Variants in APOLD1 observed in about 807,000 individuals in gnomAD.
APOLD1 encodes the protein apolipoprotein L domain containing 1.
A neutral mutation model predicts 15.3 loss-of-function variants in APOLD1; 22 were observed. The observed-to-expected ratio is 1.44, with a 90% confidence interval of 1.03 to 2.05. APOLD1 has a LOEUF of 2.05. Ranked by LOEUF, APOLD1 falls within the 30% of genes most tolerant of loss-of-function variation. The pLI is 0.00. For missense variants in APOLD1, 394 were observed against 353.5 expected (o/e 1.11, Z -0.92); for synonymous variants, 190 against 167.4 (o/e 1.13, Z -1.04).
upstream of APOLD1, among the ~76,000 whole-genome samples, chr12:12,782,946 CTG>C (rs1472369378): frequency 6.6e-6 from 1 of 152,116 alleles, no homozygotes; most frequent in Non-Finnish European, 1.5e-5. Flanking sequence ...TGGCTCATGC[CTG>C]TAATCCCAGC....
At chr12:12,752,495 A>G (rs781184568) in intron 1 of APOLD1, among the ~76,000 whole-genome samples, 8 of 152,194 alleles carry the variant, frequency 5.3e-5, no homozygotes, top group Admixed American at 1.3e-4. Context: ...CACTTCTTGG[A>G]CTTATCTCTT....
upstream of APOLD1, chr12:12,785,633 A>T: frequency 6.2e-7 from 1 of 1,614,168 alleles, no homozygotes; most frequent in Non-Finnish European, 8.5e-7. Flanking sequence ...TGGAACTATA[A>T]AGCACACTCA....
chr12:12,785,056 C>A (rs76551847), upstream of APOLD1, among the ~76,000 whole-genome samples: 1 of 152,112 alleles, frequency 6.6e-6, no homozygotes, highest in Non-Finnish European at 1.5e-5. Context: ...TTTCTGAGAC[C>A]GCCAATGTCT....
At chr12:12,734,234 A>C (rs772875619) in intron 1 of APOLD1, among the ~76,000 whole-genome samples, 4 of 152,206 alleles carry the variant, frequency 2.6e-5, no homozygotes, top group Non-Finnish European at 5.9e-5. Flanking sequence ...TTTACTGGTA[A>C]CATGATCCCA....
intron 1 of APOLD1, among the ~76,000 whole-genome samples, chr12:12,737,871 C>G (rs1409346489): frequency 6.6e-6 from 1 of 152,026 alleles, no homozygotes; most frequent in African/African-American, 2.4e-5. Flanking sequence ...TATGGAGGGT[C>G]GTTATCTAGG....
intron 1 of APOLD1, among the ~76,000 whole-genome samples, chr12:12,765,738 CACAA>C (rs1364453696): frequency 6.6e-6 from 1 of 152,096 alleles, no homozygotes; most frequent in Non-Finnish European, 1.5e-5. Flanking sequence ...GGTGTGGTGG[CACAA>C]ACCTATAGTC....
chr12:12,762,350 A>T (rs1946907670), intron 1 of APOLD1, among the ~76,000 whole-genome samples: 1 of 151,652 alleles, frequency 6.6e-6, no homozygotes, highest in African/African-American at 2.4e-5. Flanking sequence ...AAAATTAATT[A>T]ATTTATTTTT....
chr12:12,743,197 A>G (rs1187091940), intron 1 of APOLD1, among the ~76,000 whole-genome samples: 1 of 152,230 alleles, frequency 6.6e-6, no homozygotes, highest in African/African-American at 2.4e-5. Context: ...GTATTGAGTG[A>G]GGGATCTCAT....
chr12:12,752,233 T>C (rs1333236959), intron 1 of APOLD1, among the ~76,000 whole-genome samples: 1 of 152,186 alleles, frequency 6.6e-6, no homozygotes, highest in African/African-American at 2.4e-5. Flanking sequence ...AATAATAAAC[T>C]GAACATGATT....
intron 1 of APOLD1, among the ~76,000 whole-genome samples, chr12:12,744,407 G>A (rs898436493): frequency 1.3e-4 from 20 of 151,442 alleles, no homozygotes; most frequent in Admixed American, 1.1e-3. Flanking sequence ...TCAGGAGTTC[G>A]AGACCAGCCT....
At position 12,786,890 on chromosome 12, in the gene APOLD1, CGTG is replaced by C. The variant is rs530722036; in HGVS notation, c.4-18_4-16del. On this transcript the variant is annotated splice_polypyrimidine_tract_variant and intron_variant, in intron 1 of 1. Transcript: ENST00000356591. ...TGGCACGGAGACTCCAGGCTGACCG[CGTG>C]TCTATGTCCCCGCAGGGAATGGAGA... is the stretch of plus-strand genomic sequence containing the variant. 3.1e-4 allele frequency: 441 copies of C among 1,410,360 alleles called. No homozygotes were observed. In the Middle Eastern group the frequency reaches 7.0e-3, roughly 22 times the overall value. The allele number at this position is 1,410,360 out of a possible 1,614,324, so 87.4% of individuals were successfully genotyped here.
chr12:12,773,900 T>G (rs1170683836), intron 1 of APOLD1, among the ~76,000 whole-genome samples: 1 of 152,044 alleles, frequency 6.6e-6, no homozygotes, highest in Non-Finnish European at 1.5e-5. Flanking sequence ...CAGAAAAAAA[T>G]GAGTCTAGAC....
chr12:12,787,796 T>TC lies in APOLD1; in HGVS notation c.*148dup, dbSNP rs1305951762. On this transcript the variant is annotated 3_prime_UTR_variant, in exon 2 of 2. Transcript: ENST00000356591. The surrounding 1 kb of genome is among the most constrained non-coding windows in gnomAD (Gnocchi z 4.9). Reference sequence around the variant, plus strand: ...AAAAACTGTTTTTGAAGTGGGCAGGTCCCCAAAGCCCTTCTTTTCCCATCA... The same window carrying TC: ...AAAAACTGTTTTTGAAGTGGGCAGGTCCCCCAAAGCCCTTCTTTTCCCATCA... 3.2e-5 allele frequency: 38 copies of TC among 1,191,462 alleles called. No homozygotes were observed. In the African/African-American group the frequency reaches 4.0e-4, roughly 13 times the overall value. The allele number at this position is 1,191,462 out of a possible 1,614,324, so 73.8% of individuals were successfully genotyped here.
intron 1 of APOLD1, among the ~76,000 whole-genome samples, chr12:12,746,798 C>A (rs968438267): frequency 1.3e-5 from 2 of 152,110 alleles, no homozygotes; most frequent in African/African-American, 4.8e-5. Context: ...TCTTCTTCCC[C>A]CTTCCCTCCT....
rs1407807219 is a variant in APOLD1 at position 12,760,890 on chromosome 12, A to G, written c.97-26019A>G. Among the ~76,000 whole-genome samples the G allele has an allele frequency of 9.9e-5, 15 of 152,212 alleles. No individual in the cohort carries two copies. The East Asian group carries it at 2.9e-3, about 29-fold the overall frequency. On this transcript the variant is annotated intron_variant, in intron 1 of 1. Transcript: ENST00000326765. Reference sequence around the variant, plus strand: ...TAAAACTTGGTACATAGTAGGATATACCAAAGTTTAACCATTCCCCTACTG... The same window carrying G: ...TAAAACTTGGTACATAGTAGGATATGCCAAAGTTTAACCATTCCCCTACTG...
intron 1 of APOLD1, among the ~76,000 whole-genome samples, chr12:12,753,413 C>A (rs1406334384): frequency 6.6e-6 from 1 of 152,160 alleles, no homozygotes; most frequent in African/African-American, 2.4e-5. Flanking sequence ...TGCCCGTAAT[C>A]CCAAAACTTT....
intron 1 of APOLD1, among the ~76,000 whole-genome samples, chr12:12,772,583 G>A (rs1004730498): frequency 3.3e-5 from 5 of 152,148 alleles, no homozygotes; most frequent in African/African-American, 7.2e-5. Context: ...GATCCAGTAG[G>A]CAGAAAATCA....
At chr12:12,771,608 C>T (rs1946987825) in intron 1 of APOLD1, 2 of 503,570 alleles carry the variant, frequency 4.0e-6, no homozygotes, top group Non-Finnish European at 7.9e-6. Context: ...GGCCTGTGTC[C>T]TGTTCTTTGA....
At chr12:12,729,188 A>G (rs965874322) in intron 1 of APOLD1, among the ~76,000 whole-genome samples, 6 of 151,800 alleles carry the variant, frequency 4.0e-5, no homozygotes, top group Non-Finnish European at 7.4e-5. Context: ...CCCCATGTGG[A>G]TTTAAAATGA....
Sources: allele counts gnomAD v4.1 joint callset (sites outside exome capture counted in the v4.1 genomes callset), GRCh38; gene constraint gnomAD v4.1.1; non-coding constraint Gnocchi (gnomAD v3.1); transcripts MANE v1.5; gene names NCBI Gene and HGNC (gene_info 2026-07-23, HGNC 2026-07-21).